Variants in THBS2 observed in about 807,000 individuals in gnomAD.
The protein encoded by THBS2 is thrombospondin 2.
In THBS2, 47 loss-of-function variants were observed where a neutral mutation model predicts 135.2. That is an observed-to-expected ratio of 0.35 (90% CI 0.28 to 0.44). The LOEUF (loss-of-function observed/expected upper bound fraction) is 0.44. Ranked by LOEUF, THBS2 falls within the 20% of genes least tolerant of loss-of-function variation. The pLI, the probability that THBS2 is intolerant of heterozygous loss-of-function variation, is 1.00. For missense variants in THBS2, 1,288 were observed against 1,603.1 expected (o/e 0.80, Z 3.36); for synonymous variants, 639 against 633.8 (o/e 1.01, Z -0.12).
chr6:169,225,247 C>T lies in THBS2; in HGVS notation c.2671G>A (p.Gly891Ser), dbSNP rs747986144. The change falls in exon 17 of 22, where the codon GGC (glycine) becomes AGC (serine). Residue 891 changes from glycine (G) to serine (S), a missense_variant. Gly to Ser is a moderately conservative substitution (Grantham distance 56, BLOSUM62 0). This residue lies in a region of THBS2 where 874 missense variants were observed against 1,156.1 expected (regional missense o/e 0.76). Transcript: ENST00000617924. ...NANQADHDRD[G>S]QGDACDPDDD... ...TCAGGGTCACAGGCGTCGCCCTGGC[C>T]GTCTCTGTCATGGTCAGCCTGGTTG... is the stretch of plus-strand genomic sequence containing the variant. The T allele has an allele frequency of 3.4e-5, 55 of 1,613,398 alleles. No homozygotes were observed. Among genetic ancestry groups the T allele is most frequent in the African/African-American group, 2.9e-4 (22 of 74,898 alleles).
At chr6:169,218,710 G>T (rs1193020198) in intron 21 of THBS2, among the ~76,000 whole-genome samples, 3 of 137,722 alleles carry the variant, frequency 2.2e-5, no homozygotes, top group African/African-American at 8.3e-5. Context: ...GGATGGATGA[G>T]ACAGGTGGAT....
rs200715253 is a variant in THBS2 at position 169,248,747 on chromosome 6, G to C, written c.279C>G (p.Asp93Glu). The C allele has an allele frequency of 8.4e-4, 1,362 of 1,613,346 alleles. 9 individuals carry two copies. Among genetic ancestry groups the C allele is most frequent in the Non-Finnish European group, 3.2e-4 (382 of 1,179,994 alleles). Residue 93 changes from aspartate (D) to glutamate (E), a missense_variant, in exon 3 of 22, where the codon GAC (aspartate) becomes GAG (glutamate). Asp to Glu is a conservative substitution (Grantham distance 45, BLOSUM62 2). Coordinates refer to ENST00000617924, the MANE Select transcript of THBS2 (RefSeq NM_003247.5). ...CCAACAGCGTGCCCCTGGACTTGCCGTCCTGCTTGAGCTGGGCCGTGAGGA... is the reference window on the plus strand; with the variant it reads ...CCAACAGCGTGCCCCTGGACTTGCCCTCCTGCTTGAGCTGGGCCGTGAGGA... ...GFFLTAQLKQDGKSRGTLLAL... is the reference protein window; with the variant it reads ...GFFLTAQLKQEGKSRGTLLAL...
chr6:169,250,791 T>G lies in THBS2; in HGVS notation c.-7A>C. 6.2e-7 allele frequency: 1 copy of G among 1,612,986 alleles called. No individual in the cohort carries two copies. Among genetic ancestry groups the G allele is most frequent in the Non-Finnish European group, 8.5e-7 (1 of 1,179,536 alleles). On this transcript the variant is annotated 5_prime_UTR_variant, in exon 2 of 22. Coordinates refer to ENST00000617924, the MANE Select transcript of THBS2 (RefSeq NM_003247.5). ...GGACCAGCCTCCAGACCATCCTGCC[T>G]CCTGCAGCTGAGCTCCTGGGAATAC...
At position 169,240,557 on chromosome 6, in the gene THBS2, A is replaced by G. The variant is rs749273105; in HGVS notation, c.927T>C (p.Gly309=). 6.2e-7 allele frequency: 1 copy of G among 1,614,062 alleles called. No homozygotes were observed. Among genetic ancestry groups the G allele is most frequent in the South Asian group, 1.1e-5 (1 of 91,084 alleles). ...ACATGTTCCTTGTCTTAGGAGGGCC[A>G]CCAATGAGCTCCCAGAGAAACTGGT... is the stretch of plus-strand genomic sequence containing the variant. ...NDNQFLWELI[G]GPPKTRNMSA... is the part of the protein sequence containing the mutation. The change falls in exon 6 of 22, where the codon GGT becomes GGC. Residue 309 remains glycine, a synonymous_variant. Transcript: ENST00000617924.
In THBS2 at chr6:169,240,547, TA is replaced by T; in HGVS notation, c.936del (p.Lys313ArgfsTer83). On this transcript the variant is annotated frameshift_variant, in exon 6 of 22. Transcript: ENST00000617924. LOFTEE classifies it high-confidence loss of function. ...QFLWELIGGP[P>X]KTRNMSACWQ... is the part of the protein sequence containing the mutation. ...CAGCAAGCTGACATGTTCCTTGTCTTAGGAGGGCCACCAATGAGCTCCCAGA... is the reference window on the plus strand; with the variant it reads ...CAGCAAGCTGACATGTTCCTTGTCTTGGAGGGCCACCAATGAGCTCCCAGA... 6.2e-7 allele frequency: 1 copy of T among 1,613,904 alleles called. No homozygotes were observed. The highest frequency in any genetic ancestry group is 8.5e-7 in the Non-Finnish European group (1 of 1,180,010).
At chr6:169,218,946 AGATGAGTGGATGGATG>A (rs1779307828) in intron 21 of THBS2, among the ~76,000 whole-genome samples, 2 of 132,910 alleles carry the variant, frequency 1.5e-5, no homozygotes, top group Non-Finnish European at 3.2e-5. Flanking sequence ...TGGGTGGATG[AGATGAGTGGATGGATG>A]GATGAGTAGG....
chr6:169,229,487 A>G, intron 14 of THBS2, 85 bp downstream of exon 14: 1 of 1,023,328 alleles, frequency 9.8e-7, no homozygotes. Context: ...TTACGTTGAC[A>G]AGGGCTGTTT....
At position 169,222,403 on chromosome 6, in the gene THBS2, C is replaced by T; in HGVS notation, c.3067G>A (p.Asp1023Asn). ...TFYVNTDRDDDYAGFVFGYQS... is the reference protein window; with the variant it reads ...TFYVNTDRDDNYAGFVFGYQS... ...TAACCAAAGACGAAGCCGGCATAGT[C>T]GTCGTCCCGGTCAGTGTTTACGTAG... Residue 1023 changes from aspartate (D) to asparagine (N), a missense_variant, in exon 19 of 22, where the codon GAC becomes AAC. This residue lies in a region of THBS2 where 874 missense variants were observed against 1,156.1 expected (regional missense o/e 0.76). Coordinates refer to ENST00000617924, the MANE Select transcript of THBS2 (RefSeq NM_003247.5). 2 of 1,613,726 alleles carry T rather than the reference C, an allele frequency of 1.2e-6. No homozygotes were observed. Among genetic ancestry groups the T allele is most frequent in the Non-Finnish European group, 1.7e-6 (2 of 1,180,034 alleles).
chr6:169,226,399 G>T, intron 15 of THBS2, 101 bp from the exon 16 acceptor site: 2 of 761,954 alleles, frequency 2.6e-6, no homozygotes, highest in Non-Finnish European at 4.4e-6. Flanking sequence ...ATTGCTTACA[G>T]CCACACTTCT....
In THBS2 at chr6:169,248,408, A is replaced by T; in HGVS notation, c.609+9T>A. ...TCCCTCACGGCGGCCACCTCCCTGCAGAGCGTACCCTGAAGTGACTCTCTC... is the reference window on the plus strand; with the variant it reads ...TCCCTCACGGCGGCCACCTCCCTGCTGAGCGTACCCTGAAGTGACTCTCTC... On this transcript the variant is annotated intron_variant, in intron 3 of 21. Coordinates refer to ENST00000617924, the MANE Select transcript of THBS2 (RefSeq NM_003247.5). 6.3e-7 allele frequency: 1 copy of T among 1,593,090 alleles called. No individual in the cohort carries two copies. The highest frequency in any genetic ancestry group is 1.3e-5 in the African/African-American group (1 of 74,694).
At chr6:169,240,671 A>T in intron 5 of THBS2, 79 bp from the exon 6 acceptor site, 1 of 1,522,166 alleles carries the variant, frequency 6.6e-7, no homozygotes, top group African/African-American at 1.4e-5. Context: ...TGAAAAACAA[A>T]GTTCCTCCTT....
Position 169,248,691 on chromosome 6 carries a change from T to G in THBS2, c.335A>C (p.Gln112Pro). The G allele has an allele frequency of 1.2e-6, 2 of 1,613,838 alleles. No homozygotes were observed. The highest frequency in any genetic ancestry group is 1.7e-6 in the Non-Finnish European group (2 of 1,179,908). The change falls in exon 3 of 22, where the codon CAG (glutamine) becomes CCG (proline). Residue 112 changes from glutamine (Q) to proline (P), a missense_variant. Around this residue, in one of 2 missense-constraint regions of THBS2, gnomAD observed 414 missense variants for 447.0 expected, o/e 0.93. Transcript: ENST00000617924. ...ALEGPGLSQR[Q>P]FEIVSNGPAD... is the part of the protein sequence containing the mutation. Reference sequence around the variant, plus strand: ...GGGGCCGTTGGAGACGATCTCGAACTGCCTCTGGGAGAGACCGGGGCCCTC... The same window carrying G: ...GGGGCCGTTGGAGACGATCTCGAACGGCCTCTGGGAGAGACCGGGGCCCTC...
chr6:169,221,920 T>C (rs527955236), intron 19 of THBS2, among the ~76,000 whole-genome samples: 70 of 152,354 alleles, frequency 4.6e-4, no homozygotes, highest in African/African-American at 1.5e-3. Context: ...TCTTTGATCA[T>C]TATGTCCTAT....
intron 10 of THBS2, 83 bp from the exon 11 acceptor site, chr6:169,233,100 T>G (rs1007576897): frequency 7.0e-7 from 1 of 1,422,362 alleles, no homozygotes; most frequent in African/African-American, 1.4e-5. Flanking sequence ...CGTCAAACAC[T>G]CTGGGATGTC....
intron 1 of THBS2, chr6:169,251,982 AC>A (rs1369646229): frequency 6.6e-6 from 1 of 152,082 alleles, no homozygotes; most frequent in Non-Finnish European, 1.5e-5. Context: ...ACCTAGGGAA[AC>A]TTACTTAACT....
chr6:169,253,297 T>TAA (rs1780813735), intron 1 of THBS2, among the ~76,000 whole-genome samples: 1 of 152,252 alleles, frequency 6.6e-6, no homozygotes, highest in Admixed American at 6.5e-5. Context: ...AGTCTCTCTC[T>TAA]AATCTCCAGT....
In THBS2 at chr6:169,216,954, G is replaced by A. The variant is rs1184812103; in HGVS notation, c.*868C>T. On this transcript the variant is annotated 3_prime_UTR_variant, in exon 22 of 22. Transcript: ENST00000617924. Reference sequence around the variant, plus strand: ...CTTTTCCGGCCTGTGCGTCTGCTCTGGTTCCTCTCAGGCAGCAAAGCTGGG... The same window carrying A: ...CTTTTCCGGCCTGTGCGTCTGCTCTAGTTCCTCTCAGGCAGCAAAGCTGGG... 1 of 152,212 alleles carries A rather than the reference G, an allele frequency of 6.6e-6. No homozygotes were observed. Among genetic ancestry groups the A allele is most frequent in the East Asian group, 1.9e-4 (1 of 5,198 alleles). 9.4% of individuals were successfully genotyped at this position (152,212 alleles called of 1,614,324 possible).
At chr6:169,231,212 C>CTAAA (rs1779819664) in intron 13 of THBS2, among the ~76,000 whole-genome samples, 1 of 152,070 alleles carries the variant, frequency 6.6e-6, no homozygotes, top group Admixed American at 6.5e-5. Context: ...TGGGTGGGCC[C>CTAAA]TAAATACAAC....
intron 21 of THBS2, among the ~76,000 whole-genome samples, chr6:169,219,393 A>C (rs546862800): frequency 1.9e-4 from 29 of 150,374 alleles, no homozygotes; most frequent in African/African-American, 7.1e-4. Context: ...GAATGGATGG[A>C]TGGATGGGTG....
Sources: allele counts gnomAD v4.1 joint callset (sites outside exome capture counted in the v4.1 genomes callset), GRCh38; gene constraint gnomAD v4.1.1; regional missense constraint gnomAD v4.1.1; transcripts MANE v1.5; gene names NCBI Gene and HGNC (gene_info 2026-07-23, HGNC 2026-07-21).